Variants in LRP1B observed in about 807,000 individuals in gnomAD.
LRP1B encodes LDL receptor related protein 1B.
A neutral mutation model predicts 556.6 loss-of-function variants in LRP1B; 217 were observed. The observed-to-expected ratio is 0.39, with a 90% confidence interval of 0.35 to 0.44. LRP1B has a LOEUF of 0.44. Among genes scored for constraint, LRP1B ranks in the 20% least tolerant of loss-of-function variants. LRP1B has a pLI of 1.00. For missense variants in LRP1B, 5,053 were observed against 5,620.8 expected, an observed-to-expected ratio of 0.90 and a Z score of 3.23; for synonymous variants, 2,047 against 1,865.8, an observed-to-expected ratio of 1.10 and a Z score of -2.50.
chr2:140,672,460 G>C (rs1685519721), intron 41 of LRP1B, among the ~76,000 whole-genome samples: 1 of 137,368 alleles, frequency 7.3e-6, no homozygotes, highest in Non-Finnish European at 1.5e-5. Context: ...CTCCAGCCTG[G>C]GTGACAGAAT....
At chr2:140,845,074 G>A (rs895248519) in intron 29 of LRP1B, among the ~76,000 whole-genome samples, 4 of 152,112 alleles carry the variant, frequency 2.6e-5, no homozygotes, top group Admixed American at 6.5e-5. Flanking sequence ...TTATAAAGGA[G>A]AACAATTAAA....
Position 141,162,259 on chromosome 2 carries a change from A to G in LRP1B, c.1013+26162T>C, listed in dbSNP as rs13428151. The stretch of plus-strand genomic sequence containing the variant: ...AGGTCTGGATGTGTCATTGCAGAGC[A>G]GGAATAAAGTTATAGCTACCCCAGA... On this transcript the variant is annotated intron_variant, in intron 7 of 90. Coordinates refer to ENST00000389484, the MANE Select transcript of LRP1B (RefSeq NM_018557.3). Among the ~76,000 whole-genome samples, 305 of 152,270 alleles carry G rather than the reference A, an allele frequency of 2.0e-3. 2 individuals carry two copies. The highest frequency in any genetic ancestry group is 3.4e-3 in the Non-Finnish European group (234 of 68,000).
At chr2:141,329,666 C>A (rs1481260040) in intron 3 of LRP1B, among the ~76,000 whole-genome samples, 8 of 62,450 alleles carry the variant, frequency 1.3e-4, no homozygotes, top group South Asian at 8.7e-4. Context: ...AAAAAAAAAA[C>A]TATCTCTCTC....
intron 3 of LRP1B, among the ~76,000 whole-genome samples, chr2:141,402,590 G>T (rs1690486761): frequency 6.6e-6 from 1 of 151,936 alleles, no homozygotes; most frequent in Non-Finnish European, 1.5e-5. Flanking sequence ...AAAAACAAAT[G>T]AAGACCAAAG....
intron 1 of LRP1B, among the ~76,000 whole-genome samples, chr2:142,011,401 G>T (rs1702953922): frequency 6.6e-6 from 1 of 152,100 alleles, no homozygotes; most frequent in African/African-American, 2.4e-5. Flanking sequence ...TAATTTACAT[G>T]ATGATACAAT....
At chr2:141,220,561 C>A (rs1245453964) in intron 6 of LRP1B, among the ~76,000 whole-genome samples, 1 of 151,238 alleles carries the variant, frequency 6.6e-6, no homozygotes, top group African/African-American at 2.4e-5. Context: ...CCAGAGAACC[C>A]CAGTAAGAGA....
intron 7 of LRP1B, among the ~76,000 whole-genome samples, chr2:141,107,255 CTG>C (rs755082893): frequency 1.3e-5 from 2 of 151,986 alleles, no homozygotes; most frequent in Admixed American, 6.6e-5. Context: ...TAAAAATAAA[CTG>C]CAGTTATATT....
chr2:141,677,557 T>G (rs2105423630), intron 2 of LRP1B, among the ~76,000 whole-genome samples: 1 of 152,244 alleles, frequency 6.6e-6, no homozygotes, highest in Admixed American at 6.5e-5. Flanking sequence ...TGGCACAATC[T>G]CGTTTCACCG....
chr2:141,180,533 T>C (rs995731116), intron 7 of LRP1B, among the ~76,000 whole-genome samples: 2 of 151,928 alleles, frequency 1.3e-5, no homozygotes, highest in African/African-American at 4.8e-5. Flanking sequence ...CCCAAGTGGT[T>C]TGGAAATGTT....
At chr2:140,390,768 TCACACACACACA>T (rs70985096) in intron 66 of LRP1B, among the ~76,000 whole-genome samples, 8 of 143,682 alleles carry the variant, frequency 5.6e-5, no homozygotes, top group East Asian at 4.1e-4. Flanking sequence ...AATAGAAACT[TCACACACACACA>T]CACACACACA....
At chr2:140,719,897 A>G (rs763130626) in intron 35 of LRP1B, among the ~76,000 whole-genome samples, 2 of 152,080 alleles carry the variant, frequency 1.3e-5, no homozygotes, top group African/African-American at 2.4e-5. Flanking sequence ...ATACCCACAC[A>G]AACACACACT....
chr2:141,844,408 C>A (rs1697575120), intron 1 of LRP1B, among the ~76,000 whole-genome samples: 1 of 152,122 alleles, frequency 6.6e-6, no homozygotes, highest in Non-Finnish European at 1.5e-5. Context: ...AACTTTGTTA[C>A]ATAACTATGT....
chr2:141,491,681 G>A (rs1175131946), intron 2 of LRP1B, among the ~76,000 whole-genome samples: 1 of 152,062 alleles, frequency 6.6e-6, no homozygotes. Context: ...TGCTAGAAAG[G>A]GACATTGAAT....
chr2:140,480,818 C>T (rs768130507), intron 59 of LRP1B, among the ~76,000 whole-genome samples: 3 of 152,130 alleles, frequency 2.0e-5, no homozygotes, highest in Admixed American at 6.6e-5. Context: ...ATGCTGGTAA[C>T]GATCTAGGCA....
intron 1 of LRP1B, among the ~76,000 whole-genome samples, chr2:141,908,165 G>A (rs141609071): frequency 6.6e-6 from 1 of 152,124 alleles, no homozygotes; most frequent in Admixed American, 6.6e-5. Context: ...TGCAAAATAA[G>A]TTTTCAATTT....
At chr2:140,936,038 C>T (rs62173659) in intron 20 of LRP1B, among the ~76,000 whole-genome samples, 4 of 146,634 alleles carry the variant, frequency 2.7e-5, no homozygotes, top group Admixed American at 2.0e-4. Flanking sequence ...TTCAAAGTGT[C>T]AAAAGAAAAA....
chr2:141,275,519 G>A (rs923920581), intron 3 of LRP1B, among the ~76,000 whole-genome samples: 1 of 152,002 alleles, frequency 6.6e-6, no homozygotes, highest in Admixed American at 6.6e-5. Context: ...GATCAGCCTG[G>A]GCAACATGGC....
At chr2:141,268,851 G>A (rs1489514227) in intron 3 of LRP1B, among the ~76,000 whole-genome samples, 2 of 152,142 alleles carry the variant, frequency 1.3e-5, no homozygotes, top group Non-Finnish European at 2.9e-5. Flanking sequence ...CACTCATAGG[G>A]TAGAAGCTCT....
chr2:142,013,262 T>A (rs1286195769), intron 1 of LRP1B, among the ~76,000 whole-genome samples: 1 of 152,104 alleles, frequency 6.6e-6, no homozygotes, highest in Non-Finnish European at 1.5e-5. Flanking sequence ...AAGGGTGTAA[T>A]GTGGAGGCTC....
Sources: allele counts gnomAD v4.1 joint callset (sites outside exome capture counted in the v4.1 genomes callset), GRCh38; gene constraint gnomAD v4.1.1; transcripts MANE v1.5; gene names NCBI Gene and HGNC (gene_info 2026-07-23, HGNC 2026-07-21).